GULP1: variants seen among roughly 807,000 people sequenced by gnomAD.
GULP1 encodes the protein PTB domain-containing engulfment adapter protein 1.
A neutral mutation model predicts 40.9 loss-of-function variants in GULP1; 19 were observed. The observed-to-expected ratio is 0.46, with a 90% CI of 0.32 to 0.68. The LOEUF is 0.68. GULP1 is among the 30% of genes least tolerant of loss of function. The pLI, the probability that GULP1 is intolerant of heterozygous loss-of-function variation, is 0.03. For missense variants in GULP1, 312 were observed against 362.2 expected (o/e 0.86, Z 1.12); for synonymous variants, 119 against 117.6 (o/e 1.01, Z -0.08).
At chr2:188,454,619 C>A (rs991159610) in intron 2 of GULP1, among the ~76,000 whole-genome samples, 2 of 152,148 alleles carry the variant, frequency 1.3e-5, no homozygotes, top group African/African-American at 4.8e-5. Flanking sequence ...GTCAGTAGAT[C>A]AGGATCAAAA....
intron 11 of GULP1, chr2:188,589,383 C>G (rs1703055521): frequency 6.1e-6 from 1 of 165,082 alleles, no homozygotes; most frequent in Non-Finnish European, 1.3e-5. Flanking sequence ...CATATGAAAT[C>G]AATTCCTTTT....
At chr2:188,437,731 A>C (rs2057542628) in intron 2 of GULP1, among the ~76,000 whole-genome samples, 1 of 152,148 alleles carries the variant, frequency 6.6e-6, no homozygotes. Flanking sequence ...TACAGCATGG[A>C]ATACTATACA....
chr2:188,429,091 C>T (rs2056560882), intron 2 of GULP1, among the ~76,000 whole-genome samples: 1 of 152,076 alleles, frequency 6.6e-6, no homozygotes, highest in Non-Finnish European at 1.5e-5. Flanking sequence ...GTTTTGTATA[C>T]AGGCCTGGTA....
intron 2 of GULP1, among the ~76,000 whole-genome samples, chr2:188,388,637 G>C (rs2050111205): frequency 6.6e-6 from 1 of 152,176 alleles, no homozygotes; most frequent in Admixed American, 6.6e-5. Flanking sequence ...AAGGAAGGCA[G>C]ATTAGTTTGC....
intron 2 of GULP1, among the ~76,000 whole-genome samples, chr2:188,427,270 T>C (rs901838380): frequency 1.6e-4 from 24 of 152,338 alleles, no homozygotes; most frequent in Admixed American, 1.6e-3. Context: ...TCATCTGCTG[T>C]CTAAGCTTGG....
chr2:188,359,037 A>G (rs919769261), intron 1 of GULP1, among the ~76,000 whole-genome samples: 1 of 152,162 alleles, frequency 6.6e-6, no homozygotes, highest in African/African-American at 2.4e-5. Context: ...TAACATAATT[A>G]TAATAAGGCA....
intron 2 of GULP1, among the ~76,000 whole-genome samples, chr2:188,450,455 G>T (rs555398944): frequency 2.4e-4 from 37 of 152,190 alleles, no homozygotes; most frequent in African/African-American, 8.2e-4. Context: ...GTAATTAGAT[G>T]TAGGAAACTA....
At chr2:188,429,852 G>A (rs970566969) in intron 2 of GULP1, among the ~76,000 whole-genome samples, 2 of 151,836 alleles carry the variant, frequency 1.3e-5, no homozygotes, top group African/African-American at 2.4e-5. Flanking sequence ...CTGGGACTAC[G>A]GGCACCTGCC....
chr2:188,386,904 A>C (rs1034636629), intron 2 of GULP1, among the ~76,000 whole-genome samples: 1 of 152,200 alleles, frequency 6.6e-6, no homozygotes, highest in Non-Finnish European at 1.5e-5. Context: ...ACATCTATTC[A>C]GCAATATATT....
intron 2 of GULP1, among the ~76,000 whole-genome samples, chr2:188,451,644 T>C (rs1252461422): frequency 6.6e-6 from 1 of 152,154 alleles, no homozygotes; most frequent in Non-Finnish European, 1.5e-5. Flanking sequence ...AATATTAATG[T>C]CAAAATTGAA....
At chr2:188,442,581 A>C (rs773657771) in intron 2 of GULP1, among the ~76,000 whole-genome samples, 6 of 152,160 alleles carry the variant, frequency 3.9e-5, no homozygotes, top group Non-Finnish European at 7.4e-5. Flanking sequence ...GTAAGTACTG[A>C]GATGCTTTTG....
chr2:188,514,084 C>CGT (rs2064928351), intron 4 of GULP1, among the ~76,000 whole-genome samples: 1 of 36,478 alleles, frequency 2.7e-5, no homozygotes, highest in African/African-American at 7.4e-5. Context: ...TGTGTGTGTG[C>CGT]GCCCTGCCAC....
intron 2 of GULP1, among the ~76,000 whole-genome samples, chr2:188,392,959 T>G (rs1013486564): frequency 2.0e-5 from 3 of 152,076 alleles, no homozygotes; most frequent in Non-Finnish European, 1.5e-5. Flanking sequence ...TTGATATGAT[T>G]GTGATTATTT....
At chr2:188,481,968 T>C (rs1433437599) in intron 3 of GULP1, among the ~76,000 whole-genome samples, 1 of 151,886 alleles carries the variant, frequency 6.6e-6, no homozygotes. Flanking sequence ...ACAAAAAGTA[T>C]AGCTAAGATG....
intron 1 of GULP1, among the ~76,000 whole-genome samples, chr2:188,305,419 G>C (rs2106198959): frequency 6.6e-6 from 1 of 152,302 alleles, no homozygotes; most frequent in East Asian, 1.9e-4. Context: ...AACCCAGAAA[G>C]GCCTGTCTGT....
intron 2 of GULP1, among the ~76,000 whole-genome samples, chr2:188,426,530 A>G (rs2152798624): frequency 1.3e-5 from 2 of 152,302 alleles, no homozygotes; most frequent in South Asian, 4.1e-4. Flanking sequence ...GAATGTGTCA[A>G]ATAAATATAT....
At position 188,388,782 on chromosome 2, in the gene GULP1, A is replaced by G. The variant is rs182315892; in HGVS notation, c.-45+4893A>G. 1.3e-3 allele frequency among the ~76,000 whole-genome samples: 193 copies of G among 152,290 alleles called. 1 individual carries two copies. The highest frequency in any genetic ancestry group is 3.8e-3 in the African/African-American group (160 of 41,568). ...GAGGAGTTTATAATGTAGCAGATGT[A>G]CCTGTATGACAAACAAATGAATAGA... On this transcript the variant is annotated intron_variant, in intron 2 of 11. Transcript: ENST00000409830.
intron 2 of GULP1, among the ~76,000 whole-genome samples, chr2:188,415,227 C>T (rs1319032682): frequency 6.6e-6 from 1 of 152,036 alleles, no homozygotes; most frequent in Non-Finnish European, 1.5e-5. Context: ...ACACATTTCA[C>T]AGATAAAGAG....
intron 7 of GULP1, among the ~76,000 whole-genome samples, chr2:188,567,031 A>T (rs1391815741): frequency 6.6e-6 from 1 of 152,088 alleles, no homozygotes; most frequent in Non-Finnish European, 1.5e-5. Context: ...ATGAAAAAAA[A>T]ACTCAACATC....
Sources: allele counts gnomAD v4.1 joint callset (sites outside exome capture counted in the v4.1 genomes callset), GRCh38; gene constraint gnomAD v4.1.1; transcripts MANE v1.5; gene names NCBI Gene and HGNC (gene_info 2026-07-23, HGNC 2026-07-21).